The following PRKCB variants were observed in gnomAD, a reference collection of about 807,000 sequenced individuals.
PRKCB encodes the protein protein kinase C beta.
A neutral mutation model predicts 81.5 loss-of-function variants in PRKCB; 13 were observed. The observed-to-expected ratio is 0.16, with a 90% CI of 0.10 to 0.25. PRKCB has a LOEUF of 0.25. PRKCB is among the 10% of genes least tolerant of loss of function. The pLI, the probability that PRKCB is intolerant of heterozygous loss-of-function variation, is 1.00. For missense variants in PRKCB, 509 were observed against 875.7 expected, an observed-to-expected ratio of 0.58 and a Z score of 5.29; for synonymous variants, 335 against 321.4, an observed-to-expected ratio of 1.04 and a Z score of -0.45.
intron 2 of PRKCB, among the ~76,000 whole-genome samples, chr16:23,923,809 G>A (rs1007412280): frequency 2.8e-4 from 43 of 151,956 alleles, no homozygotes; most frequent in African/African-American, 9.2e-4. Flanking sequence ...GTTTTGACAC[G>A]GGTGAACATG....
chr16:24,110,796 A>G (rs543317345), intron 7 of PRKCB, among the ~76,000 whole-genome samples: 2 of 152,118 alleles, frequency 1.3e-5, no homozygotes, highest in Non-Finnish European at 2.9e-5. Context: ...CTAGGATGAC[A>G]GACATGAGCC....
At chr16:24,132,782 TTTTTTTTTTTC>T (rs1376363548) in intron 9 of PRKCB, among the ~76,000 whole-genome samples, 1,384 of 121,124 alleles carry the variant, frequency 0.011, 26 homozygotes, top group Middle Eastern at 0.048. Context: ...TTTTTTTTTT[TTTTTTTTTTTC>T]TTCTAGAGAC....
intron 8 of PRKCB, among the ~76,000 whole-genome samples, chr16:24,116,897 A>G (rs2141922640): frequency 6.6e-6 from 1 of 152,350 alleles, no homozygotes; most frequent in African/African-American, 2.4e-5. Flanking sequence ...GTGACATTTC[A>G]GAACACCAAG....
chr16:24,099,494 G>A (rs1440263517), intron 7 of PRKCB: 1 of 152,194 alleles, frequency 6.6e-6, no homozygotes, highest in African/African-American at 2.4e-5. Flanking sequence ...TTACAGTTTG[G>A]TTTTACATGT....
intron 5 of PRKCB, among the ~76,000 whole-genome samples, chr16:24,054,610 C>T (rs1254954326): frequency 6.6e-6 from 1 of 152,174 alleles, no homozygotes; most frequent in African/African-American, 2.4e-5. Context: ...AAAACCCTTT[C>T]CCAAGAAGGG....
rs912185955 is a variant in PRKCB at position 24,066,075 on chromosome 16, C to G, written c.530-26716C>G. 2.2e-4 allele frequency among the ~76,000 whole-genome samples: 31 copies of G among 139,686 alleles called. 1 individual carries two copies. Among genetic ancestry groups the G allele is most frequent in the Admixed American group, 7.1e-4 (10 of 14,052 alleles). 91.6% of individuals were successfully genotyped at this position (139,686 alleles called of 152,430 possible). A position where few individuals can be genotyped will look rare whatever the true frequency, so the allele number is the denominator to read the frequency against. On this transcript the variant is annotated intron_variant, in intron 5 of 16. Coordinates refer to ENST00000643927, the MANE Select transcript of PRKCB (RefSeq NM_002738.7). The stretch of plus-strand genomic sequence containing the variant: ...TTTCAGCAATGTGACTGTGATGTTC[C>G]TGTGTGTGTGTGTGTGTGTGTGTGT...
At chr16:24,057,079 T>A (rs962566650) in intron 5 of PRKCB, among the ~76,000 whole-genome samples, 4 of 152,144 alleles carry the variant, frequency 2.6e-5, no homozygotes, top group Non-Finnish European at 5.9e-5. Flanking sequence ...TAAATATTTG[T>A]TGAAAACAAA....
In PRKCB at chr16:24,147,275, T is replaced by G. The variant is rs1284416145; in HGVS notation, c.1066-7409T>G. On this transcript the variant is annotated intron_variant, in intron 9 of 16. Transcript: ENST00000643927. ...GTGAGCCGAGATCGCACCACTGCAC[T>G]CCAGCCTGGGCAACAGAGGAGACTC... Among the ~76,000 whole-genome samples the G allele has an allele frequency of 2.8e-5, 4 of 141,018 alleles. No individual in the cohort carries two copies. The East Asian group carries it at 8.6e-4, about 30-fold the overall frequency. 92.5% of individuals were successfully genotyped at this position (141,018 alleles called of 152,430 possible). A position where few individuals can be genotyped will look rare whatever the true frequency, so the allele number is the denominator to read the frequency against.
At chr16:24,066,075 CTGTGTGTGTG>C (rs58216806) in intron 5 of PRKCB, among the ~76,000 whole-genome samples, 28 of 139,688 alleles carry the variant, frequency 2.0e-4, no homozygotes, top group Non-Finnish European at 3.8e-4. Flanking sequence ...TGTGATGTTC[CTGTGTGTGTG>C]TGTGTGTGTG....
At chr16:23,864,950 T>C (rs1243368732) in intron 2 of PRKCB, among the ~76,000 whole-genome samples, 1 of 152,032 alleles carries the variant, frequency 6.6e-6, no homozygotes, top group East Asian at 1.9e-4. Flanking sequence ...GTGTACCCAA[T>C]GTTTAGTTCC....
chr16:23,860,378 G>C (rs1250027526), intron 2 of PRKCB, among the ~76,000 whole-genome samples: 1 of 152,128 alleles, frequency 6.6e-6, no homozygotes, highest in Non-Finnish European at 1.5e-5. Context: ...ATTATGCGTT[G>C]GGTATGTTGA....
chr16:23,897,374 A>G (rs1000004113), intron 2 of PRKCB, among the ~76,000 whole-genome samples: 2 of 152,208 alleles, frequency 1.3e-5, no homozygotes, highest in Non-Finnish European at 2.9e-5. Flanking sequence ...GGGCATTTTG[A>G]ATATAAACAC....
At chr16:23,951,579 CTTT>C (rs11354474) in intron 2 of PRKCB, among the ~76,000 whole-genome samples, 7 of 97,552 alleles carry the variant, frequency 7.2e-5, no homozygotes, top group African/African-American at 1.2e-4. Context: ...CTATGCCAGG[CTTT>C]TTTTTTTTTT....
chr16:24,053,297 G>C (rs958838681), intron 5 of PRKCB, among the ~76,000 whole-genome samples: 2 of 152,218 alleles, frequency 1.3e-5, no homozygotes, highest in African/African-American at 4.8e-5. Context: ...TTAGTGCAGG[G>C]CTTGACAAAC....
intron 16 of PRKCB, among the ~76,000 whole-genome samples, chr16:24,197,955 C>G (rs1267357619): frequency 6.6e-6 from 1 of 152,182 alleles, no homozygotes; most frequent in Non-Finnish European, 1.5e-5. Flanking sequence ...ATACAGAGCG[C>G]TGGCTTGCAG....
intron 5 of PRKCB, among the ~76,000 whole-genome samples, chr16:24,083,161 A>C (rs1008249590): frequency 7.2e-5 from 11 of 152,196 alleles, no homozygotes; most frequent in Non-Finnish European, 2.9e-5. Context: ...GAATGGCTAA[A>C]ATAATGATGA....
At position 24,054,274 on chromosome 16, in the gene PRKCB, G is replaced by A. The variant is rs540424883; in HGVS notation, c.529+18727G>A. 2.4e-4 allele frequency among the ~76,000 whole-genome samples: 37 copies of A among 152,272 alleles called. 1 individual carries two copies. The highest frequency in any genetic ancestry group is 1.2e-3 in the South Asian group (6 of 4,824). ...TTACAGGTGTGAGCCACTGAACCTG[G>A]CTATTTAAGTTATGTATTTGCAACT... is the stretch of plus-strand genomic sequence containing the variant. On this transcript the variant is annotated intron_variant, in intron 5 of 16. Transcript: ENST00000643927.
intron 2 of PRKCB, among the ~76,000 whole-genome samples, chr16:23,944,942 CAG>C (rs1209628303): frequency 3.3e-5 from 5 of 152,040 alleles, no homozygotes; most frequent in African/African-American, 1.2e-4. Flanking sequence ...GAATGAGGGA[CAG>C]AGAGAGGAGG....
chr16:23,993,787 A>G (rs1310994646), intron 3 of PRKCB, among the ~76,000 whole-genome samples: 1 of 152,176 alleles, frequency 6.6e-6, no homozygotes, highest in African/African-American at 2.4e-5. Flanking sequence ...TACAACAACA[A>G]TCGGAATAGC....
Sources: allele counts gnomAD v4.1 joint callset (sites outside exome capture counted in the v4.1 genomes callset), GRCh38; gene constraint gnomAD v4.1.1; transcripts MANE v1.5; gene names NCBI Gene and HGNC (gene_info 2026-07-23, HGNC 2026-07-21).